NECAB1: variants seen among roughly 807,000 people sequenced by gnomAD.
NECAB1 encodes N-terminal EF-hand calcium binding protein 1, also known as N-terminal EF-hand calcium-binding protein 1.
In NECAB1, 29 loss-of-function variants were observed where a neutral mutation model predicts 57.5. That is an observed-to-expected ratio of 0.50 (90% CI 0.38 to 0.69). The LOEUF is 0.69. NECAB1 is among the 30% of genes least tolerant of loss of function. NECAB1 has a pLI of 0.00. For missense variants in NECAB1, 372 were observed against 413.8 expected (o/e 0.90, Z 0.88); for synonymous variants, 142 against 147.7 (o/e 0.96, Z 0.28).
chr8:90,912,140 C>T (rs1809845120), intron 5 of NECAB1, among the ~76,000 whole-genome samples: 1 of 152,104 alleles, frequency 6.6e-6, no homozygotes, highest in African/African-American at 2.4e-5. Context: ...CAGATTTGGG[C>T]TGACTCTCTA....
chr8:90,876,884 T>C (rs945446319), intron 4 of NECAB1, among the ~76,000 whole-genome samples: 1 of 152,234 alleles, frequency 6.6e-6, no homozygotes, highest in Admixed American at 6.5e-5. Flanking sequence ...GACTCTGTTT[T>C]GCTCAAGTTC....
intron 3 of NECAB1, among the ~76,000 whole-genome samples, chr8:90,864,533 A>G (rs1429964178): frequency 2.0e-5 from 3 of 152,128 alleles, no homozygotes; most frequent in Non-Finnish European, 4.4e-5. Context: ...TTCCAGCCTC[A>G]GGTGACAGAA....
chr8:90,891,922 G>C (rs1809184675), intron 5 of NECAB1, among the ~76,000 whole-genome samples: 1 of 151,968 alleles, frequency 6.6e-6, no homozygotes, highest in South Asian at 2.1e-4. Context: ...TCGAACTTCT[G>C]GGCTCAAGCA....
intron 3 of NECAB1, chr8:90,825,235 A>C (rs1812203908): frequency 6.6e-6 from 1 of 152,414 alleles, no homozygotes; most frequent in African/African-American, 2.4e-5. Context: ...TGTAGCAGTT[A>C]TCTGGACAAT....
intron 12 of NECAB1, among the ~76,000 whole-genome samples, chr8:90,953,192 T>G (rs1217253000): frequency 6.6e-6 from 1 of 151,894 alleles, no homozygotes; most frequent in Admixed American, 6.6e-5. Flanking sequence ...AAAAATAGAG[T>G]AGGAAAAGAG....
intron 2 of NECAB1, among the ~76,000 whole-genome samples, chr8:90,811,204 G>A (rs1281917648): frequency 6.6e-6 from 1 of 152,066 alleles, no homozygotes; most frequent in Non-Finnish European, 1.5e-5. Flanking sequence ...ACCTGCCTCG[G>A]CCTCCCAAAG....
intron 6 of NECAB1, among the ~76,000 whole-genome samples, chr8:90,922,852 A>C (rs1460135519): frequency 6.6e-6 from 1 of 152,110 alleles, no homozygotes; most frequent in Non-Finnish European, 1.5e-5. Flanking sequence ...TTAAAGATTG[A>C]TGATTAAATG....
chr8:90,914,246 C>T (rs1287380094), intron 5 of NECAB1, among the ~76,000 whole-genome samples: 1 of 152,124 alleles, frequency 6.6e-6, no homozygotes, highest in Non-Finnish European at 1.5e-5. Context: ...CAGATCACAA[C>T]ATCACAATGA....
At chr8:90,816,312 A>G (rs1812060917) in intron 2 of NECAB1, among the ~76,000 whole-genome samples, 1 of 151,788 alleles carries the variant, frequency 6.6e-6, no homozygotes, top group Admixed American at 6.6e-5. Flanking sequence ...CTTGTCTTTC[A>G]TTCTCTTAAC....
intron 4 of NECAB1, among the ~76,000 whole-genome samples, chr8:90,873,453 A>G (rs927739760): frequency 1.3e-5 from 2 of 152,224 alleles, no homozygotes; most frequent in Non-Finnish European, 2.9e-5. Flanking sequence ...ATAAAGGCCA[A>G]GTTGTGGTCC....
At chr8:90,831,398 C>T (rs1005422485) in intron 3 of NECAB1, among the ~76,000 whole-genome samples, 2 of 152,144 alleles carry the variant, frequency 1.3e-5, no homozygotes, top group Non-Finnish European at 2.9e-5. Context: ...ACTGCTTATT[C>T]AGCCTCAAGG....
chr8:90,877,177 T>C (rs938340541), intron 4 of NECAB1, among the ~76,000 whole-genome samples: 2 of 152,174 alleles, frequency 1.3e-5, no homozygotes, highest in African/African-American at 4.8e-5. Context: ...ATCTTGGAGT[T>C]TGCAGATCTG....
chr8:90,931,613 AC>A (rs1416302483), intron 8 of NECAB1, among the ~76,000 whole-genome samples: 12 of 152,156 alleles, frequency 7.9e-5, no homozygotes. Flanking sequence ...TGTAGAAAAC[AC>A]CTTTAATGGC....
At chr8:90,860,819 G>A (rs1313587958) in intron 3 of NECAB1, among the ~76,000 whole-genome samples, 1 of 152,078 alleles carries the variant, frequency 6.6e-6, no homozygotes, top group Admixed American at 6.6e-5. Flanking sequence ...TGAGAGGAAG[G>A]AAGGAAGATC....
chr8:90,847,695 C>T (rs1221496519), intron 3 of NECAB1, among the ~76,000 whole-genome samples: 1 of 152,252 alleles, frequency 6.6e-6, no homozygotes, highest in Non-Finnish European at 1.5e-5. Context: ...GACTTCTCTG[C>T]ACCCACAGGC....
intron 5 of NECAB1, among the ~76,000 whole-genome samples, chr8:90,906,835 T>TAGA (rs1809662534): frequency 7.3e-6 from 1 of 136,968 alleles, no homozygotes; most frequent in South Asian, 2.2e-4. Flanking sequence ...AGGATGCAGG[T>TAGA]AGATTTGAAT....
chr8:90,912,823 A>T (rs1477935027), intron 5 of NECAB1, among the ~76,000 whole-genome samples: 1 of 152,220 alleles, frequency 6.6e-6, no homozygotes, highest in African/African-American at 2.4e-5. Flanking sequence ...GTATTTTAAA[A>T]AGTAATAATT....
intron 10 of NECAB1, among the ~76,000 whole-genome samples, 165 bp from the exon 11 acceptor site, chr8:90,949,642 G>A (rs1157173172): frequency 6.6e-6 from 1 of 152,110 alleles, no homozygotes; most frequent in African/African-American, 2.4e-5. Flanking sequence ...GACATATTTA[G>A]AATAAATAAA....
rs1811948978 is a variant in NECAB1, at chr8:90,810,960, T to G, written c.124+9245T>G. ...TTTTCTTTTCTTTTTTTTTTTTCTT[T>G]TTTTTGAGACAGAGTCTTGCTCTGT... On this transcript the variant is annotated intron_variant, in intron 2 of 12. Transcript: ENST00000417640. 2.0e-5 allele frequency among the ~76,000 whole-genome samples: 3 copies of G among 151,850 alleles called. No homozygotes were observed. In the South Asian group the frequency reaches 6.2e-4, roughly 32 times the overall value.
Sources: gnomAD v4.1 joint callset for allele counts (sites outside exome capture counted in the v4.1 genomes callset) on GRCh38, gnomAD v4.1.1 for gene constraint, MANE v1.5 for transcripts, NCBI Gene and HGNC (gene_info 2026-07-23, HGNC 2026-07-21) for gene names.